Variants in DCTN4 observed in about 807,000 individuals in gnomAD.
DCTN4 encodes dynactin subunit 4.
In DCTN4, 23 loss-of-function variants were observed where a neutral mutation model predicts 62.7. The ratio of observed to expected loss-of-function variants is 0.37; its 90% confidence interval spans 0.26 to 0.52. The LOEUF is 0.52. Ranked by LOEUF, DCTN4 falls within the 20% of genes least tolerant of loss-of-function variation. DCTN4 has a pLI of 0.92. For missense variants in DCTN4, 514 were observed against 580.4 expected, an observed-to-expected ratio of 0.89 and a Z score of 1.18; for synonymous variants, 199 against 202.1, an observed-to-expected ratio of 0.98 and a Z score of 0.13.
At chr5:150,758,169 G>A (rs1752932126) in intron 1 of DCTN4, 2 of 985,574 alleles carry the variant, frequency 2.0e-6, no homozygotes, top group Non-Finnish European at 2.4e-6. Flanking sequence ...CGCTGCAGAA[G>A]TTTTGGGGTT....
intron 12 of DCTN4, 117 bp from the exon 13 acceptor site, chr5:150,711,479 A>G (rs1759562962): frequency 3.8e-6 from 3 of 793,484 alleles, no homozygotes; most frequent in Middle Eastern, 3.7e-4. Flanking sequence ...GAAAACCTAT[A>G]AACACTTTGT....
intron 1 of DCTN4, 36 bp downstream of exon 1, chr5:150,758,823 C>A: frequency 1.2e-6 from 2 of 1,606,548 alleles, no homozygotes; most frequent in South Asian, 1.1e-5. Flanking sequence ...CGCGCCCCCC[C>A]CACCCCACAT....
At chr5:150,744,707 G>C (rs960801841) in intron 3 of DCTN4, among the ~76,000 whole-genome samples, 1 of 151,756 alleles carries the variant, frequency 6.6e-6, no homozygotes. Context: ...ATAAGTGAAG[G>C]AGAAATAAAA....
intron 1 of DCTN4, among the ~76,000 whole-genome samples, chr5:150,757,328 C>T (rs1388445862): frequency 1.3e-5 from 2 of 152,216 alleles, no homozygotes; most frequent in Non-Finnish European, 2.9e-5. Context: ...AAATACAAGT[C>T]ATTCCTTTTT....
chr5:150,719,846 A>T, intron 9 of DCTN4, 76 bp from the exon 10 acceptor site: 1 of 893,470 alleles, frequency 1.1e-6, no homozygotes, highest in African/African-American at 1.7e-5. Context: ...AAGCTAGTGC[A>T]GTACATAAAG....
At chr5:150,758,256 G>A (rs1040600940) in intron 1 of DCTN4, 25 of 985,438 alleles carry the variant, frequency 2.5e-5, no homozygotes, top group Non-Finnish European at 2.8e-5. Flanking sequence ...TTGTGCCAGG[G>A]AAGGACAGCA....
chr5:150,733,766 C>T, intron 4 of DCTN4: 1 of 257,178 alleles, frequency 3.9e-6, no homozygotes, highest in African/African-American at 2.2e-5. Flanking sequence ...TATTTTTTTT[C>T]TGCATGGCCA....
At chr5:150,739,782 T>C (rs543489062) in intron 4 of DCTN4, among the ~76,000 whole-genome samples, 35 of 152,204 alleles carry the variant, frequency 2.3e-4, no homozygotes, top group South Asian at 1.2e-3. Flanking sequence ...CAAATACTTA[T>C]AGCCAACTGA....
At chr5:150,715,733 G>C (rs1290142876) in intron 11 of DCTN4, 71 bp from the exon 12 acceptor site, 1 of 1,231,568 alleles carries the variant, frequency 8.1e-7, no homozygotes, top group African/African-American at 1.5e-5. Context: ...GTACGACATT[G>C]ATTTAGACAA....
intron 4 of DCTN4, chr5:150,734,361 C>CTAAAAATCCAGATCATGGGAGAAAAATT (rs1760496863): frequency 6.6e-6 from 1 of 152,112 alleles, no homozygotes; most frequent in Non-Finnish European, 1.5e-5. Context: ...ACTGGAGAAC[C>CTAAAAATCCAGATCATGGGAGAAAAATT]TAAAAATCCA....
chr5:150,739,074 A>G (rs1760681490), intron 4 of DCTN4, among the ~76,000 whole-genome samples: 1 of 151,988 alleles, frequency 6.6e-6, no homozygotes, highest in Non-Finnish European at 1.5e-5. Context: ...CCAGCTACTC[A>G]GGAGGCTGAG....
chr5:150,715,757 G>C, intron 11 of DCTN4, 95 bp from the exon 12 acceptor site: 1 of 960,528 alleles, frequency 1.0e-6, no homozygotes. Context: ...GAAGCACACA[G>C]CAAGTTTCAG....
intron 3 of DCTN4, among the ~76,000 whole-genome samples, chr5:150,750,993 A>C (rs777438160): frequency 4.6e-5 from 7 of 152,312 alleles, no homozygotes; most frequent in Non-Finnish European, 1.0e-4. Context: ...CTTTAGTATA[A>C]TATTATTTTA....
chr5:150,749,057 T>C (rs1752574082), intron 3 of DCTN4, among the ~76,000 whole-genome samples: 1 of 152,084 alleles, frequency 6.6e-6, no homozygotes, highest in African/African-American at 2.4e-5. Flanking sequence ...CTAAAGTTTT[T>C]TTAATAGGAC....
chr5:150,741,043 AT>A (rs571378882), intron 4 of DCTN4, among the ~76,000 whole-genome samples: 5 of 149,228 alleles, frequency 3.4e-5, no homozygotes, highest in South Asian at 4.2e-4. Context: ...CCAAAAACCT[AT>A]TTTTTTTTCT....
chr5:150,726,307 C>T (rs554751906), intron 8 of DCTN4, among the ~76,000 whole-genome samples: 1 of 152,254 alleles, frequency 6.6e-6, no homozygotes, highest in African/African-American at 2.4e-5. Context: ...TTTGGACCAA[C>T]CCCACAACTG....
Position 150,710,100 on chromosome 5 carries a change from G to C in DCTN4, c.*1049C>G, listed in dbSNP as rs2151462524. 6.6e-6 allele frequency: 1 copy of C among 152,420 alleles called. No individual in the cohort carries two copies. Among genetic ancestry groups the C allele is most frequent in the East Asian group, 1.9e-4 (1 of 5,332 alleles). The allele number at this position is 152,420 out of a possible 1,614,324, so 9.4% of individuals were successfully genotyped here. A position where few individuals can be genotyped will look rare whatever the true frequency, so the allele number is the denominator to read the frequency against. Reference sequence around the variant, plus strand: ...GACAAAAGTCTTAAACTTAGTAAGGGGGAAAGTTCTTAATATCCAGTTTTG... The same window carrying C: ...GACAAAAGTCTTAAACTTAGTAAGGCGGAAAGTTCTTAATATCCAGTTTTG... On this transcript the variant is annotated 3_prime_UTR_variant, in exon 13 of 13. Transcript: ENST00000447998.
At chr5:150,731,660 C>T (rs1760375229) in intron 5 of DCTN4, 171 bp from the exon 6 acceptor site, 1 of 643,008 alleles carries the variant, frequency 1.6e-6, no homozygotes, top group Admixed American at 2.9e-5. Context: ...CATCATTATT[C>T]TATTCTTAAA....
intron 8 of DCTN4, 151 bp downstream of exon 8, chr5:150,730,480 T>C (rs1289610666): frequency 1.7e-5 from 11 of 654,032 alleles, no homozygotes; most frequent in Non-Finnish European, 2.9e-5. Context: ...ATTGAAAGCA[T>C]TTAAAATAGT....
Sources: allele counts gnomAD v4.1 joint callset (sites outside exome capture counted in the v4.1 genomes callset), GRCh38; gene constraint gnomAD v4.1.1; transcripts MANE v1.5; gene names NCBI Gene and HGNC (gene_info 2026-07-23, HGNC 2026-07-21).